AKAP6: variants seen among roughly 807,000 people sequenced by gnomAD.
AKAP6 encodes the protein A-kinase anchor protein 6.
A neutral mutation model predicts 188.5 loss-of-function variants in AKAP6; 58 were observed. The observed-to-expected ratio is 0.31, with a 90% CI of 0.25 to 0.38. The LOEUF (loss-of-function observed/expected upper bound fraction) is 0.38. AKAP6 is among the 10% of genes least tolerant of loss of function. The probability of loss-of-function intolerance (pLI) is 1.00; values close to 1 mark genes in which losing one functional copy is unlikely to be tolerated. For synonymous variants in AKAP6, 989 were observed against 998.6 expected (o/e 0.99, Z 0.18); for missense variants, 2,710 against 2,740.0 (o/e 0.99, Z 0.24).
At chr14:32,573,004 T>G (rs968627765) in intron 4 of AKAP6, among the ~76,000 whole-genome samples, 14 of 152,030 alleles carry the variant, frequency 9.2e-5, no homozygotes, top group Admixed American at 4.6e-4. Flanking sequence ...AATAGGAGCA[T>G]GACAAAGAAG....
intron 7 of AKAP6, among the ~76,000 whole-genome samples, chr14:32,611,814 C>T (rs1363579215): frequency 2.6e-5 from 4 of 152,030 alleles, no homozygotes; most frequent in African/African-American, 7.3e-5. Flanking sequence ...AAAAGGGACA[C>T]TTGAAGAAGA....
At chr14:32,700,650 G>A (rs1236036117) in intron 9 of AKAP6, among the ~76,000 whole-genome samples, 1 of 152,164 alleles carries the variant, frequency 6.6e-6, no homozygotes, top group African/African-American at 2.4e-5. Flanking sequence ...ACAGTATTCA[G>A]TATAGTAACA....
At chr14:32,612,430 A>G (rs146138346) in intron 7 of AKAP6, among the ~76,000 whole-genome samples, 108 of 152,256 alleles carry the variant, frequency 7.1e-4, no homozygotes, top group African/African-American at 2.4e-3. Flanking sequence ...ACAGAACCCT[A>G]CTTTATCATC....
At chr14:32,731,174 C>G (rs1046051230) in intron 9 of AKAP6, among the ~76,000 whole-genome samples, 2 of 152,216 alleles carry the variant, frequency 1.3e-5, no homozygotes, top group Non-Finnish European at 2.9e-5. Context: ...TTACATAATA[C>G]AAGTGATGTG....
intron 1 of AKAP6, among the ~76,000 whole-genome samples, chr14:32,378,993 A>G (rs895619286): frequency 6.9e-5 from 10 of 145,026 alleles, no homozygotes; most frequent in African/African-American, 2.6e-4. Context: ...GTCTTGGTTC[A>G]CTGCAACCTC....
At position 32,540,379 on chromosome 14, in the gene AKAP6, A is replaced by G. The variant is rs138209234; in HGVS notation, c.576+4574A>G. 6.7e-3 allele frequency among the ~76,000 whole-genome samples: 1,008 copies of G among 151,462 alleles called. 7 individuals carry two copies. The highest frequency in any genetic ancestry group is 0.011 in the Non-Finnish European group (713 of 67,852). The stretch of plus-strand genomic sequence containing the variant: ...ACGCCCAGCTAATTTTTGTATTTTT[A>G]GTAGAGATGGACTTTTGCCATGTTG... On this transcript the variant is annotated intron_variant, in intron 3 of 13. Transcript: ENST00000280979.
In AKAP6 at chr14:32,689,706, C is replaced by T. The variant is rs145239612; in HGVS notation, c.2880-6284C>T. Among the ~76,000 whole-genome samples, 349 of 152,198 alleles carry T rather than the reference C, an allele frequency of 2.3e-3. 2 individuals carry two copies. The East Asian group carries it at 0.037, about 16-fold the overall frequency. On this transcript the variant is annotated intron_variant, in intron 8 of 13. Coordinates refer to ENST00000280979, the MANE Select transcript of AKAP6 (RefSeq NM_004274.5). ...ATGGTTGGAGATATAACAGGCACCA[C>T]TATTATATCTCCCTTCTGTGCTTAT...
At chr14:32,376,662 G>C (rs1296250682) in intron 1 of AKAP6, among the ~76,000 whole-genome samples, 3 of 152,064 alleles carry the variant, frequency 2.0e-5, no homozygotes, top group Non-Finnish European at 4.4e-5. Flanking sequence ...CTCAAACCAG[G>C]CTTTCATCTG....
intron 1 of AKAP6, among the ~76,000 whole-genome samples, chr14:32,423,195 G>GGTCTCA (rs1239482808): frequency 6.6e-6 from 1 of 151,894 alleles, no homozygotes; most frequent in African/African-American, 2.4e-5. Context: ...TTTGAGATAG[G>GGTCTCA]GTCTCACTTT....
intron 1 of AKAP6, among the ~76,000 whole-genome samples, chr14:32,347,137 C>A (rs533914751): frequency 5.9e-5 from 9 of 152,306 alleles, no homozygotes; most frequent in Non-Finnish European, 1.2e-4. Flanking sequence ...TAGGATTCTG[C>A]ATCCTTTGTA....
chr14:32,403,647 G>A (rs953518726), intron 1 of AKAP6, among the ~76,000 whole-genome samples: 1 of 152,204 alleles, frequency 6.6e-6, no homozygotes, highest in Non-Finnish European at 1.5e-5. Context: ...GATGGGAATA[G>A]TTATAGTGAT....
chr14:32,615,613 T>G (rs1324497182), intron 7 of AKAP6, among the ~76,000 whole-genome samples: 1 of 143,032 alleles, frequency 7.0e-6, no homozygotes, highest in Non-Finnish European at 1.5e-5. Context: ...TTTTTTTTTT[T>G]GAGACAGAGT....
At chr14:32,728,200 A>ATTTT (rs3033287) in intron 9 of AKAP6, among the ~76,000 whole-genome samples, 5 of 71,066 alleles carry the variant, frequency 7.0e-5, no homozygotes, top group African/African-American at 2.7e-4. Context: ...ACATCCCTGG[A>ATTTT]TTTTTTTTTT....
chr14:32,350,772 A>AAT (rs968938862), intron 1 of AKAP6, among the ~76,000 whole-genome samples: 16 of 152,094 alleles, frequency 1.1e-4, no homozygotes, highest in South Asian at 2.1e-4. Flanking sequence ...TAAGTAAATA[A>AAT]ATATATATAT....
At chr14:32,534,441 G>A (rs1052714474) in intron 2 of AKAP6, among the ~76,000 whole-genome samples, 5 of 152,148 alleles carry the variant, frequency 3.3e-5, no homozygotes, top group African/African-American at 7.2e-5. Flanking sequence ...CTGACAGCAC[G>A]ATGGAAATTT....
intron 2 of AKAP6, among the ~76,000 whole-genome samples, chr14:32,445,483 C>T (rs1890725338): frequency 6.6e-6 from 1 of 152,130 alleles, no homozygotes; most frequent in African/African-American, 2.4e-5. Context: ...ACCAATTCTC[C>T]TGCCTCAGCC....
intron 1 of AKAP6, among the ~76,000 whole-genome samples, chr14:32,355,598 T>G (rs28599717): frequency 0.31 from 47,892 of 152,072 alleles, 8,251 homozygotes; most frequent in African/African-American, 0.46. Context: ...ATAGTAATAT[T>G]TGTGCTTTTT....
chr14:32,823,943 G>C lies in AKAP6; in HGVS notation c.6130G>C (p.Asp2044His), dbSNP rs1425475475. 1 of 1,613,854 alleles carries C rather than the reference G, an allele frequency of 6.2e-7. No individual in the cohort carries two copies. The highest frequency in any genetic ancestry group is 8.5e-7 in the Non-Finnish European group (1 of 1,179,958). The change falls in exon 13 of 14, where the codon GAT becomes CAT. Residue 2044 changes from aspartate to histidine, a missense_variant. Transcript: ENST00000280979. ...CATTTCCTGTTGCAACTGTGAGCCA[G>C]ATGTTTTCCATCAAAAAGATGCCGA... ...SNISCCNCEP[D>H]VFHQKDAEDC...
intron 2 of AKAP6, among the ~76,000 whole-genome samples, chr14:32,528,435 C>A (rs1211689129): frequency 2.6e-5 from 4 of 152,034 alleles, no homozygotes; most frequent in Non-Finnish European, 5.9e-5. Context: ...AAAAGACTGT[C>A]TTTTCTCTAT....
Sources: allele counts gnomAD v4.1 joint callset (sites outside exome capture counted in the v4.1 genomes callset), GRCh38; gene constraint gnomAD v4.1.1; transcripts MANE v1.5; gene names NCBI Gene and HGNC (gene_info 2026-07-23, HGNC 2026-07-21).